The following ZBP1 variants were observed in gnomAD, a reference collection of about 807,000 sequenced individuals.
The protein encoded by ZBP1 is Z-DNA binding protein 1.
In ZBP1, 42 loss-of-function variants were observed where a neutral mutation model predicts 41.1. That is an observed-to-expected ratio of 1.02 (90% CI 0.80 to 1.32). The LOEUF is 1.32. ZBP1 is among the 40% of genes most tolerant of loss of function. ZBP1 has a pLI of 0.00. For missense variants in ZBP1, 562 were observed against 549.7 expected (o/e 1.02, Z -0.22); for synonymous variants, 214 against 205.2 (o/e 1.04, Z -0.37).
At chr20:57,619,119 A>AG (rs2070927391) in intron 1 of ZBP1, among the ~76,000 whole-genome samples, 2 of 152,270 alleles carry the variant, frequency 1.3e-5, no homozygotes, top group Admixed American at 1.3e-4. Context: ...AAAGCCAGCG[A>AG]GGGCTGAGTC....
intron 1 of ZBP1, 73 bp downstream of exon 1, chr20:57,620,189 A>T: frequency 6.6e-7 from 1 of 1,519,590 alleles, no homozygotes; most frequent in Non-Finnish European, 8.9e-7. Flanking sequence ...GACCAAGCGA[A>T]ACAGGAGGAA....
chr20:57,607,886 A>T (rs532481035), intron 7 of ZBP1, among the ~76,000 whole-genome samples: 2 of 152,338 alleles, frequency 1.3e-5, no homozygotes, highest in East Asian at 3.9e-4. Flanking sequence ...CACCTAATAG[A>T]CTAGAGCATC....
At chr20:57,616,676 C>T (rs562011614) in intron 1 of ZBP1, 183 of 592,628 alleles carry the variant, frequency 3.1e-4, no homozygotes, top group Non-Finnish European at 4.9e-4. Flanking sequence ...TGATCAGAAA[C>T]GGCCTTGGCT....
At chr20:57,609,829 G>A (rs1469819805) in intron 7 of ZBP1, among the ~76,000 whole-genome samples, 5 of 152,200 alleles carry the variant, frequency 3.3e-5, no homozygotes, top group African/African-American at 2.4e-5. Context: ...CAGGGCTGGT[G>A]TAGGGCTGAG....
intron 7 of ZBP1, among the ~76,000 whole-genome samples, chr20:57,608,862 C>T (rs4810089): frequency 0.12 from 18,468 of 152,258 alleles, 1,245 homozygotes; most frequent in East Asian, 0.23. Flanking sequence ...GGGTGGATGC[C>T]GGCCAGTCCT....
In ZBP1 at chr20:57,609,638, C is replaced by T. The variant is rs76230990; in HGVS notation, c.1093+511G>A. Among the ~76,000 whole-genome samples, 584 of 152,124 alleles carry T rather than the reference C, an allele frequency of 3.8e-3. 2 individuals are homozygous for T. Among genetic ancestry groups the T allele is most frequent in the East Asian group, 0.023 (121 of 5,158 alleles). ...GAAACCCTGGTCTGCTACCCTCACC[C>T]GGACATGAGACTTGGGCTTCAAGCA... On this transcript the variant is annotated intron_variant, in intron 7 of 7. Coordinates refer to ENST00000371173, the MANE Select transcript of ZBP1 (RefSeq NM_030776.3).
chr20:57,605,211 G>A (rs1489079416), intron 7 of ZBP1, among the ~76,000 whole-genome samples: 3 of 152,224 alleles, frequency 2.0e-5, no homozygotes, highest in African/African-American at 7.2e-5. Context: ...GTGACAGGCA[G>A]ACCTCATTTT....
At position 57,610,462 on chromosome 20, in the gene ZBP1, C is replaced by T; in HGVS notation, c.875-95G>A. On this transcript the variant is annotated intron_variant, in intron 6 of 7. Coordinates refer to ENST00000371173, the MANE Select transcript of ZBP1 (RefSeq NM_030776.3). The surrounding 1 kb of genome is among the most constrained non-coding windows in gnomAD (Gnocchi z 5.5). ...GCCTGGTTCACCCTCCTCCCCAGATCTCCCACCAGTGGCCCACACCATCCC... is the reference window on the plus strand; with the variant it reads ...GCCTGGTTCACCCTCCTCCCCAGATTTCCCACCAGTGGCCCACACCATCCC... 7.4e-7 allele frequency: 1 copy of T among 1,357,400 alleles called. No homozygotes were observed. Among genetic ancestry groups the T allele is most frequent in the African/African-American group, 1.4e-5 (1 of 69,716 alleles). 84.1% of individuals were successfully genotyped at this position (1,357,400 alleles called of 1,614,324 possible).
rs114492237 is a variant in ZBP1 at position 57,615,472 on chromosome 20, T to A, written c.328+40A>T. The A allele has an allele frequency of 1.4e-3, 2,191 of 1,605,700 alleles. 31 individuals are homozygous for A. The African/African-American group carries it at 0.025, about 18-fold the overall frequency. On this transcript the variant is annotated intron_variant, in intron 3 of 7. Transcript: ENST00000371173. ...GGCCTGGGGTTCCTGGGGAGTGGGATCCTGTGTCCCGGGAACTGAAGGGAC... is the reference window on the plus strand; with the variant it reads ...GGCCTGGGGTTCCTGGGGAGTGGGAACCTGTGTCCCGGGAACTGAAGGGAC...
In ZBP1 at chr20:57,610,587, G is replaced by T. The variant is rs900677010; in HGVS notation, c.875-220C>A. On this transcript the variant is annotated intron_variant, in intron 6 of 7. Transcript: ENST00000371173. The surrounding 1 kb of genome is among the most constrained non-coding windows in gnomAD (Gnocchi z 5.5). ...AGCGTCTTTCTGCTCCACTGATCCCGCAGTGGGTCTGCCCCACTGATCCCG... is the reference window on the plus strand; with the variant it reads ...AGCGTCTTTCTGCTCCACTGATCCCTCAGTGGGTCTGCCCCACTGATCCCG... The T allele has an allele frequency of 1.0e-5, 6 of 595,042 alleles. No individual in the cohort carries two copies. In the African/African-American group the frequency reaches 1.1e-4, roughly 11 times the overall value. The allele number at this position is 595,042 out of a possible 1,614,324, so 36.9% of individuals were successfully genotyped here. A position where few individuals can be genotyped will look rare whatever the true frequency, so the allele number is the denominator to read the frequency against.
At chr20:57,607,050 C>T (rs1181779281) in intron 7 of ZBP1, 2 of 1,296,126 alleles carry the variant, frequency 1.5e-6, no homozygotes, top group African/African-American at 3.0e-5. Flanking sequence ...GTAACTTCAA[C>T]ATTCACTTCT....
Position 57,620,201 on chromosome 20 carries a change from GAGA to G in ZBP1, c.34+58_34+60del. ...CTGGACCAAGCGAAACAGGAGGAAA[GAGA>G]AGTAGAAATCTCACCCCGGGAGCTA... On this transcript the variant is annotated intron_variant, in intron 1 of 7. Transcript: ENST00000371173. 2.0e-6 allele frequency: 3 copies of G among 1,537,076 alleles called. No homozygotes were observed. The East Asian group carries it at 7.3e-5, about 37-fold the overall frequency.
intron 2 of ZBP1, chr20:57,615,880 G>A (rs922074414): frequency 7.5e-6 from 4 of 530,610 alleles, no homozygotes; most frequent in Non-Finnish European, 1.3e-5. Flanking sequence ...GCTCCTTCTG[G>A]CTGTGGGCTG....
In ZBP1 at chr20:57,610,361, G is replaced by A. The variant is rs1433604807; in HGVS notation, c.881C>T (p.Ala294Val). The A allele has an allele frequency of 1.9e-6, 3 of 1,614,060 alleles. No individual in the cohort carries two copies. The highest frequency in any genetic ancestry group is 1.1e-5 in the South Asian group (1 of 91,092). ...CGAAGCTTCTGGGCCGGCAGCAGTG[G>A]CAGAGACTGTGGGTCAAAGGGAGAG... is the stretch of plus-strand genomic sequence containing the variant. ...HIPPGSPPVS[A>V]TAAGPEASFE... is the part of the protein sequence containing the mutation. Residue 294 changes from alanine (A) to valine (V), a missense_variant, in exon 7 of 8, where the codon GCC becomes GTC. Ala to Val is a moderately conservative substitution (Grantham distance 64). Coordinates refer to ENST00000371173, the MANE Select transcript of ZBP1 (RefSeq NM_030776.3). This position sits in a 1 kb window ranked among gnomAD's most constrained non-coding sequence, Gnocchi z 5.5.
In ZBP1 at chr20:57,613,698, C is replaced by T. The variant is rs920067873; in HGVS notation, c.503-368G>A. Among the ~76,000 whole-genome samples, 5 of 152,196 alleles carry T rather than the reference C, an allele frequency of 3.3e-5. No homozygotes were observed. The highest frequency in any genetic ancestry group is 2.1e-4 in the South Asian group (1 of 4,832). On this transcript the variant is annotated intron_variant, in intron 4 of 7. Coordinates refer to ENST00000371173, the MANE Select transcript of ZBP1 (RefSeq NM_030776.3). This position sits in a 1 kb window ranked among gnomAD's most constrained non-coding sequence, Gnocchi z 4.5. Reference sequence around the variant, plus strand: ...TTGCCCTTTTCCCTTGAGTAATGGCCGAGAAACAGCAGCCCATTGGGCCAG... The same window carrying T: ...TTGCCCTTTTCCCTTGAGTAATGGCTGAGAAACAGCAGCCCATTGGGCCAG...
intron 1 of ZBP1, chr20:57,617,353 G>A (rs528917308): frequency 6.6e-6 from 1 of 152,574 alleles, no homozygotes; most frequent in East Asian, 1.9e-4. Flanking sequence ...GGCCTCCTCA[G>A]ATGCCACTTC....
intron 6 of ZBP1, 119 bp downstream of exon 6, chr20:57,611,608 G>A: frequency 8.5e-7 from 1 of 1,174,466 alleles, no homozygotes; most frequent in Non-Finnish European, 1.2e-6. Flanking sequence ...TCAGCTGCCT[G>A]GTGGAAGGAA....
chr20:57,619,186 C>A lies in ZBP1; in HGVS notation c.34+1076G>T, dbSNP rs79998797. Among the ~76,000 whole-genome samples, 1,460 of 152,330 alleles carry A rather than the reference C, an allele frequency of 9.6e-3. 22 individuals are homozygous for A. Among genetic ancestry groups the A allele is most frequent in the African/African-American group, 0.034 (1,399 of 41,576 alleles). Reference sequence around the variant, plus strand: ...AAGAGGAAGCTCCACAGGACCTCCGCGGTCAGCCCGGCTCCTGGGCCACAC... The same window carrying A: ...AAGAGGAAGCTCCACAGGACCTCCGAGGTCAGCCCGGCTCCTGGGCCACAC... On this transcript the variant is annotated intron_variant, in intron 1 of 7. Coordinates refer to ENST00000371173, the MANE Select transcript of ZBP1 (RefSeq NM_030776.3).
rs879383466 is a variant in ZBP1 at position 57,610,584 on chromosome 20, C to G, written c.875-217G>C. ...GGAAGCGTCTTTCTGCTCCACTGATCCCGCAGTGGGTCTGCCCCACTGATC... is the reference window on the plus strand; with the variant it reads ...GGAAGCGTCTTTCTGCTCCACTGATGCCGCAGTGGGTCTGCCCCACTGATC... On this transcript the variant is annotated intron_variant, in intron 6 of 7. Transcript: ENST00000371173. The surrounding 1 kb of genome is among the most constrained non-coding windows in gnomAD (Gnocchi z 5.5). 176 of 598,106 alleles carry G rather than the reference C, an allele frequency of 2.9e-4. 1 individual carries two copies. The highest frequency in any genetic ancestry group is 3.7e-4 in the Non-Finnish European group (125 of 336,360). 37.0% of individuals were successfully genotyped at this position (598,106 alleles called of 1,614,324 possible). A position where few individuals can be genotyped will look rare whatever the true frequency, so the allele number is the denominator to read the frequency against.
Sources: allele counts gnomAD v4.1 joint callset (sites outside exome capture counted in the v4.1 genomes callset), GRCh38; gene constraint gnomAD v4.1.1; non-coding constraint Gnocchi (gnomAD v3.1); transcripts MANE v1.5; gene names NCBI Gene and HGNC (gene_info 2026-07-23, HGNC 2026-07-21).